The following PRELID2 variants were observed in gnomAD, a reference collection of about 807,000 sequenced individuals.
PRELID2 encodes PRELI domain-containing protein 2.
PRELID2 carries 25 observed loss-of-function variants against 28.4 expected under a neutral mutation model. The observed-to-expected ratio is 0.88, with a 90% CI of 0.64 to 1.23. The LOEUF is 1.23. Among genes scored for constraint, PRELID2 ranks in the 50% most tolerant of loss-of-function variants. The pLI, the probability that PRELID2 is intolerant of heterozygous loss-of-function variation, is 0.00. For missense variants in PRELID2, 201 were observed against 214.4 expected (o/e 0.94, Z 0.39); for synonymous variants, 76 against 71.6 (o/e 1.06, Z -0.31).
At chr5:145,766,344 G>C (rs1004890804) in intron 5 of PRELID2, among the ~76,000 whole-genome samples, 1 of 152,094 alleles carries the variant, frequency 6.6e-6, no homozygotes, top group African/African-American at 2.4e-5. Flanking sequence ...GCCCTTAAGA[G>C]GCACCCATAT....
downstream of PRELID2, among the ~76,000 whole-genome samples, chr5:145,469,472 T>C (rs1354513495): frequency 2.0e-5 from 3 of 152,038 alleles, no homozygotes; most frequent in African/African-American, 7.2e-5. Flanking sequence ...TATCACCTTA[T>C]ATGAAAGAAT....
chr5:145,644,156 G>A (rs962880544), intron 1 of PRELID2, among the ~76,000 whole-genome samples: 4 of 152,026 alleles, frequency 2.6e-5, no homozygotes, highest in Admixed American at 6.6e-5. Context: ...ACTTTTTTTG[G>A]TTGGTAGGCT....
intron 1 of PRELID2, among the ~76,000 whole-genome samples, chr5:145,619,483 G>T (rs1007565348): frequency 1.3e-5 from 2 of 152,250 alleles, no homozygotes; most frequent in Admixed American, 1.3e-4. Flanking sequence ...TCCCTAGCAG[G>T]AGTGTGTGCC....
At chr5:145,395,286 T>C in the PRELID2 span, among the ~76,000 whole-genome samples, 223 of 152,192 alleles carry the variant, frequency 1.5e-3, no homozygotes, top group African/African-American at 5.4e-3. Context: ...AAGGCATCCA[T>C]GAAAACGACA....
At chr5:145,334,181 T>C in the PRELID2 span, among the ~76,000 whole-genome samples, 2 of 152,162 alleles carry the variant, frequency 1.3e-5, no homozygotes, top group Non-Finnish European at 2.9e-5. Flanking sequence ...TCTGTGTTGA[T>C]CTCACTGGGA....
the PRELID2 span, among the ~76,000 whole-genome samples, chr5:145,273,132 G>A: frequency 2.6e-5 from 4 of 152,130 alleles, no homozygotes; most frequent in Middle Eastern, 3.4e-3. Context: ...AGCAGAGTTC[G>A]GGCACATAAT....
intron 1 of PRELID2, among the ~76,000 whole-genome samples, chr5:145,568,593 T>C (rs551689504): frequency 1.2e-4 from 19 of 152,324 alleles, no homozygotes; most frequent in African/African-American, 4.3e-4. Context: ...AATGTGACAC[T>C]GACTTCTTTC....
intron 1 of PRELID2, among the ~76,000 whole-genome samples, chr5:145,687,810 A>G (rs1755065760): frequency 1.3e-5 from 2 of 152,354 alleles, no homozygotes; most frequent in South Asian, 4.1e-4. Flanking sequence ...AAATATTTAG[A>G]TGCTTTAAAT....
chr5:145,494,602 TAAAGA>T (rs1233141979), intron 1 of PRELID2, among the ~76,000 whole-genome samples: 1 of 151,970 alleles, frequency 6.6e-6, no homozygotes, highest in African/African-American at 2.4e-5. Flanking sequence ...CAGAGGTCAT[TAAAGA>T]AAAGATCTTG....
the PRELID2 span, among the ~76,000 whole-genome samples, chr5:145,308,996 A>T: frequency 1.3e-5 from 2 of 152,184 alleles, no homozygotes; most frequent in Non-Finnish European, 2.9e-5. Flanking sequence ...GACAGCAGGG[A>T]TGAAGCAAGA....
the PRELID2 span, among the ~76,000 whole-genome samples, chr5:145,373,274 T>A: frequency 2.1e-5 from 2 of 95,182 alleles, no homozygotes; most frequent in Non-Finnish European, 3.8e-5. Context: ...ATATAATATA[T>A]ATGATATATA....
At chr5:145,503,183 G>A (rs554289281) in intron 1 of PRELID2, among the ~76,000 whole-genome samples, 1 of 152,236 alleles carries the variant, frequency 6.6e-6, no homozygotes, top group Admixed American at 6.5e-5. Context: ...CCTAGGGTCT[G>A]AAAGCTCCAT....
intron 1 of PRELID2, among the ~76,000 whole-genome samples, chr5:145,705,130 G>A (rs950311308): frequency 2.0e-5 from 3 of 151,914 alleles, no homozygotes; most frequent in Non-Finnish European, 4.4e-5. Context: ...AAATAACGAT[G>A]CTTTACAAAT....
chr5:145,434,758 T>C, the PRELID2 span, among the ~76,000 whole-genome samples: 96 of 152,242 alleles, frequency 6.3e-4, no homozygotes, highest in Middle Eastern at 6.8e-3. Context: ...GGGTAGTGAA[T>C]AGAAGAATAT....
At chr5:145,387,251 T>C in the PRELID2 span, among the ~76,000 whole-genome samples, 49 of 152,080 alleles carry the variant, frequency 3.2e-4, no homozygotes, top group Non-Finnish European at 6.8e-4. Context: ...GGAATGTAGA[T>C]GCATGGTTAT....
chr5:145,351,158 T>A, the PRELID2 span, among the ~76,000 whole-genome samples: 1 of 152,168 alleles, frequency 6.6e-6, no homozygotes, highest in Non-Finnish European at 1.5e-5. Flanking sequence ...CAAACTCTGG[T>A]CTGTCTGATT....
At chr5:145,379,227 G>T in the PRELID2 span, among the ~76,000 whole-genome samples, 1 of 152,180 alleles carries the variant, frequency 6.6e-6, no homozygotes, top group Non-Finnish European at 1.5e-5. Flanking sequence ...CTCCCAGACT[G>T]CTGGTCACTG....
intron 1 of PRELID2, among the ~76,000 whole-genome samples, chr5:145,713,089 T>C (rs1373176619): frequency 6.6e-6 from 1 of 151,660 alleles, no homozygotes; most frequent in Non-Finnish European, 1.5e-5. Flanking sequence ...AACATATAAC[T>C]GGAGTTCCAG....
At chr5:145,304,645 T>A in the PRELID2 span, among the ~76,000 whole-genome samples, 1 of 152,132 alleles carries the variant, frequency 6.6e-6, no homozygotes, top group African/African-American at 2.4e-5. Flanking sequence ...CTGCAAAGAA[T>A]ATAGCCTGTC....
Sources: gnomAD v4.1 joint callset for allele counts (sites outside exome capture counted in the v4.1 genomes callset) on GRCh38, gnomAD v4.1.1 for gene constraint, MANE v1.5 for transcripts, NCBI Gene and HGNC (gene_info 2026-07-23, HGNC 2026-07-21) for gene names.